Variants in GPATCH2L observed in about 807,000 individuals in gnomAD.
GPATCH2L encodes G-patch domain containing 2 like.
GPATCH2L carries 31 observed loss-of-function variants against 57.4 expected under a neutral mutation model. The ratio of observed to expected loss-of-function variants is 0.54; its 90% CI spans 0.41 to 0.73. The LOEUF (loss-of-function observed/expected upper bound fraction) is 0.73, where lower values mean the gene tolerates loss of function less well. GPATCH2L is among the 30% of genes least tolerant of loss of function. The probability of loss-of-function intolerance (pLI) is 0.00; values close to 1 mark genes in which losing one functional copy is unlikely to be tolerated. For synonymous variants in GPATCH2L, 199 were observed against 210.7 expected (o/e 0.94, Z 0.48); for missense variants, 481 against 599.9 (o/e 0.80, Z 2.07).
rs35397460 is a variant in GPATCH2L, at chr14:76,171,895, C to T, written c.780C>T (p.Phe260=). The T allele has an allele frequency of 9.8e-3, 15,801 of 1,609,388 alleles. 113 individuals are homozygous for T. The highest frequency in any genetic ancestry group is 0.012 in the Non-Finnish European group (14,065 of 1,176,514). Residue 260 remains phenylalanine (F), a synonymous_variant, in exon 4 of 10, where the codon TTC becomes TTT. Coordinates refer to ENST00000261530, the MANE Select transcript of GPATCH2L (RefSeq NM_017926.4). ...WFYEGECVPG[F]TVPNLLPKWA... ...ATGAAGGAGAATGTGTCCCAGGATTCACTGTCCCTAATCTTCTGCCCAAGT... is the reference window on the plus strand; with the variant it reads ...ATGAAGGAGAATGTGTCCCAGGATTTACTGTCCCTAATCTTCTGCCCAAGT...
chr14:76,182,857 G>T (rs922281021), intron 8 of GPATCH2L, among the ~76,000 whole-genome samples: 6 of 152,188 alleles, frequency 3.9e-5, no homozygotes, highest in African/African-American at 1.4e-4. Context: ...GGCTCAGGGA[G>T]ATCTTTTTAG....
intron 8 of GPATCH2L, among the ~76,000 whole-genome samples, chr14:76,181,237 C>T (rs1239026261): frequency 6.6e-6 from 1 of 152,212 alleles, no homozygotes; most frequent in Non-Finnish European, 1.5e-5. Context: ...GGAGAGAGAT[C>T]CAGCAGTACT....
chr14:76,153,427 GAT>G (rs1183616285), intron 1 of GPATCH2L, among the ~76,000 whole-genome samples: 1 of 152,240 alleles, frequency 6.6e-6, no homozygotes, highest in Non-Finnish European at 1.5e-5. Context: ...CCTGAAGTGT[GAT>G]GTTTGGTTTG....
chr14:76,228,355 G>A (rs548627931), intron 1 of GPATCH2L, among the ~76,000 whole-genome samples: 6 of 152,226 alleles, frequency 3.9e-5, no homozygotes, highest in South Asian at 2.1e-4. Flanking sequence ...GTGTGCGTGC[G>A]CGCGCGTGTG....
chr14:76,235,423 C>T (rs977053270), intron 2 of GPATCH2L, among the ~76,000 whole-genome samples: 1 of 152,144 alleles, frequency 6.6e-6, no homozygotes, highest in Non-Finnish European at 1.5e-5. Flanking sequence ...TGGGAGTTCA[C>T]CTGGACAAGC....
At chr14:76,222,469 T>G (rs1301178647) in intron 1 of GPATCH2L, among the ~76,000 whole-genome samples, 3 of 151,470 alleles carry the variant, frequency 2.0e-5, no homozygotes, top group African/African-American at 7.3e-5. Context: ...TAGCTGAGCG[T>G]GGTGGCGTGC....
chr14:76,195,760 G>T (rs752912671), intron 8 of GPATCH2L, 118 bp from the exon 9 acceptor site: 1 of 740,284 alleles, frequency 1.4e-6, no homozygotes, highest in Non-Finnish European at 2.4e-6. Context: ...AATGGCAAAA[G>T]ATGGTGCCCA....
chr14:76,193,359 A>G (rs954256059), intron 8 of GPATCH2L, among the ~76,000 whole-genome samples: 1 of 152,058 alleles, frequency 6.6e-6, no homozygotes, highest in Non-Finnish European at 1.5e-5. Flanking sequence ...GGTGAAAATG[A>G]TGGATGGGGG....
chr14:76,218,004 G>A (rs1306389447), downstream of GPATCH2L, among the ~76,000 whole-genome samples: 1 of 152,126 alleles, frequency 6.6e-6, no homozygotes, highest in East Asian at 1.9e-4. Context: ...ATTTACCATG[G>A]CTAAATGAGG....
chr14:76,161,559 C>T (rs2038584561), intron 2 of GPATCH2L, among the ~76,000 whole-genome samples: 2 of 152,228 alleles, frequency 1.3e-5, no homozygotes, highest in Admixed American at 6.5e-5. Context: ...AGCAAGCTCT[C>T]AGATCAGAGG....
chr14:76,170,128 A>G (rs7155651), intron 3 of GPATCH2L, among the ~76,000 whole-genome samples: 59,444 of 152,022 alleles, frequency 0.39, 14,120 homozygotes, highest in South Asian at 0.56. Context: ...TAGTTGTAAT[A>G]TCTCCTGCTT....
chr14:76,169,257 T>C (rs993026224), intron 3 of GPATCH2L, among the ~76,000 whole-genome samples: 35 of 152,254 alleles, frequency 2.3e-4, no homozygotes, highest in African/African-American at 7.7e-4. Flanking sequence ...TAGATTATGT[T>C]ATTGTTTGTA....
downstream of GPATCH2L, among the ~76,000 whole-genome samples, chr14:76,215,744 T>C (rs1385833004): frequency 5.0e-5 from 6 of 119,676 alleles, no homozygotes; most frequent in African/African-American, 6.5e-5. Flanking sequence ...GGAAGGGGAA[T>C]ATCACACTCT....
chr14:76,196,195 A>G (rs2040145418), intron 9 of GPATCH2L: 3 of 656,404 alleles, frequency 4.6e-6, no homozygotes, highest in Admixed American at 4.5e-5. Context: ...TTGAAACCCT[A>G]TATTCCACTA....
chr14:76,184,981 G>T (rs1238337125), intron 8 of GPATCH2L, among the ~76,000 whole-genome samples: 1 of 152,214 alleles, frequency 6.6e-6, no homozygotes, highest in Non-Finnish European at 1.5e-5. Context: ...TTCATAATTG[G>T]TGCAAACTCT....
intron 2 of GPATCH2L, among the ~76,000 whole-genome samples, chr14:76,164,858 A>G (rs1401453655): frequency 3.3e-5 from 5 of 152,188 alleles, no homozygotes; most frequent in African/African-American, 1.2e-4. Context: ...ATGATAATAT[A>G]CTTGTCAGAA....
In GPATCH2L at chr14:76,203,434, T is replaced by C. The variant is rs2040340730; in HGVS notation, c.*1583T>C. 6.6e-6 allele frequency: 1 copy of C among 152,438 alleles called. No homozygotes were observed. Among genetic ancestry groups the C allele is most frequent in the African/African-American group, 2.4e-5 (1 of 41,444 alleles). The allele number at this position is 152,438 out of a possible 1,614,324, so 9.4% of individuals were successfully genotyped here. A position where few individuals can be genotyped will look rare whatever the true frequency, so the allele number is the denominator to read the frequency against. On this transcript the variant is annotated 3_prime_UTR_variant, in exon 10 of 10. Coordinates refer to ENST00000261530, the MANE Select transcript of GPATCH2L (RefSeq NM_017926.4). ...CGCCTCTGGTTCTCACGCAGCAGTG[T>C]GTGTGTGCTCACAGGGATGTTCCAC...
intron 8 of GPATCH2L, among the ~76,000 whole-genome samples, chr14:76,194,695 T>G (rs1023370867): frequency 1.1e-4 from 16 of 152,330 alleles, no homozygotes; most frequent in African/African-American, 3.4e-4. Flanking sequence ...CTGGGACTAC[T>G]GATTAGGAGT....
At position 76,178,045 on chromosome 14, in the gene GPATCH2L, A is replaced by G. The variant is rs778092169; in HGVS notation, c.1107+3A>G. 1.3e-6 allele frequency: 2 copies of G among 1,594,328 alleles called. No individual in the cohort carries two copies. The highest frequency in any genetic ancestry group is 1.1e-5 in the South Asian group (1 of 90,684). On this transcript the variant is annotated splice_donor_region_variant and intron_variant, in intron 7 of 9. Coordinates refer to ENST00000261530, the MANE Select transcript of GPATCH2L (RefSeq NM_017926.4). Reference sequence around the variant, plus strand: ...ACATTTCTGCTTGTGCACATGAGGTAAGGTTTCCTCTTTCTTGTTATTTTG... The same window carrying G: ...ACATTTCTGCTTGTGCACATGAGGTGAGGTTTCCTCTTTCTTGTTATTTTG...
Sources: allele counts gnomAD v4.1 joint callset (sites outside exome capture counted in the v4.1 genomes callset), GRCh38; gene constraint gnomAD v4.1.1; transcripts MANE v1.5; gene names NCBI Gene and HGNC (gene_info 2026-07-23, HGNC 2026-07-21).